ZNF91: variants seen among roughly 807,000 people sequenced by gnomAD.
ZNF91 encodes zinc finger protein 91 (HPF7, HTF10).
In ZNF91, 7 loss-of-function variants were observed where a neutral mutation model predicts 12.6. That is an observed-to-expected ratio of 0.55 (90% CI 0.31 to 1.04). The LOEUF (loss-of-function observed/expected upper bound fraction) is 1.04, where lower values mean the gene tolerates loss of function less well. ZNF91 is among the 50% of genes least tolerant of loss of function. The probability of loss-of-function intolerance (pLI) is 0.05; values close to 1 mark genes in which losing one functional copy is unlikely to be tolerated. For missense variants in ZNF91, 1,217 were observed against 1,385.4 expected (o/e 0.88, Z 1.93); for synonymous variants, 453 against 462.6 (o/e 0.98, Z 0.27).
At chr19:23,317,691 T>C (rs1453039460) in intron 1 of ZNF91, among the ~76,000 whole-genome samples, 1 of 152,120 alleles carries the variant, frequency 6.6e-6, no homozygotes, top group Admixed American at 6.6e-5. Flanking sequence ...GTGACTCTTA[T>C]ATGTGGATCC....
At chr19:23,349,910 C>T (rs368903722) in intron 3 of ZNF91, among the ~76,000 whole-genome samples, 6 of 152,254 alleles carry the variant, frequency 3.9e-5, no homozygotes, top group Middle Eastern at 3.4e-3. Context: ...GAATGGCCTC[C>T]GCAACGGATC....
At chr19:23,352,093 G>A (rs773467140) in intron 3 of ZNF91, among the ~76,000 whole-genome samples, 6 of 152,152 alleles carry the variant, frequency 3.9e-5, no homozygotes, top group Admixed American at 6.5e-5. Context: ...TCACAGGCAG[G>A]GAAAAACTAA....
intron 3 of ZNF91, 130 bp downstream of exon 3, chr19:23,373,610 TAA>T: frequency 3.4e-6 from 2 of 581,594 alleles, no homozygotes; most frequent in South Asian, 2.3e-5. Context: ...TAGCATAATT[TAA>T]AAAAAAAATT....
At chr19:23,339,837 G>A (rs1302228030) in intron 3 of ZNF91, 1 of 151,568 alleles carries the variant, frequency 6.6e-6, no homozygotes, top group African/African-American at 2.4e-5. Context: ...CTAGCTACTC[G>A]GGAGGCTAAT....
intron 1 of ZNF91, among the ~76,000 whole-genome samples, chr19:23,323,228 CCTT>C (rs767722736): frequency 8.1e-5 from 12 of 147,580 alleles, no homozygotes; most frequent in African/African-American, 1.3e-4. Flanking sequence ...TCCTTTCTCT[CCTT>C]CTTCTCCTCT....
rs778131344 is a variant in ZNF91, at chr19:23,359,790, T to A, written c.3189A>T (p.Ser1063=). The change falls in exon 4 of 4, where the codon TCA becomes TCT. Residue 1063 remains serine, a synonymous_variant. Coordinates refer to ENST00000300619, the MANE Select transcript of ZNF91 (RefSeq NM_003430.4). The part of the protein sequence containing the change: ...EECGKAFISS[S]TLNGHKRIHT... ...GAATTCTCTTATGTCCATTTAGGGT[T>A]GAGGATGATATAAATGCTTTGCCAC... 6.2e-6 allele frequency: 10 copies of A among 1,614,042 alleles called. No homozygotes were observed. The highest frequency in any genetic ancestry group is 6.8e-6 in the Non-Finnish European group (8 of 1,180,016).
chr19:23,382,762 T>C (rs1192164166), intron 1 of ZNF91, among the ~76,000 whole-genome samples: 1 of 150,594 alleles, frequency 6.6e-6, no homozygotes, highest in African/African-American at 2.4e-5. Flanking sequence ...CTAGAAAAAA[T>C]GAAAAAAAGT....
At position 23,373,691 on chromosome 19, in the gene ZNF91, T is replaced by C. The variant is rs371406488; in HGVS notation, c.253+51A>G. On this transcript the variant is annotated intron_variant, in intron 3 of 3. Transcript: ENST00000300619. ...ATCACTTTAAAGACCTGCTTTCTTC[T>C]TGACTTTGGGCCTCTCATCCTTGTC... The C allele has an allele frequency of 4.8e-6, 7 of 1,447,562 alleles. No homozygotes were observed. In the African/African-American group the frequency reaches 8.6e-5, roughly 18 times the overall value. 89.7% of individuals were successfully genotyped at this position (1,447,562 alleles called of 1,614,324 possible). A position where few individuals can be genotyped will look rare whatever the true frequency, so the allele number is the denominator to read the frequency against.
chr19:23,306,438 G>A (rs990024923), intron 3 of ZNF91, among the ~76,000 whole-genome samples: 4 of 152,168 alleles, frequency 2.6e-5, no homozygotes, highest in African/African-American at 9.7e-5. Context: ...CTGCTTTAGC[G>A]CTGCTCACAG....
intron 3 of ZNF91, among the ~76,000 whole-genome samples, chr19:23,346,669 A>G (rs751626960): frequency 6.3e-4 from 96 of 151,932 alleles, no homozygotes; most frequent in Non-Finnish European, 1.3e-3. Context: ...TAAGGGACCC[A>G]CCCTCCAGGT....
chr19:23,329,698 CCCTAAGCAGT>C (rs1387031908), intron 1 of ZNF91, among the ~76,000 whole-genome samples: 1 of 152,178 alleles, frequency 6.6e-6, no homozygotes, highest in Non-Finnish European at 1.5e-5. Flanking sequence ...TTCTACCTAC[CCCTAAGCAGT>C]CCTTGAGATT....
At chr19:23,387,408 G>C (rs534161105) in intron 1 of ZNF91, among the ~76,000 whole-genome samples, 59 of 152,268 alleles carry the variant, frequency 3.9e-4, no homozygotes, top group Non-Finnish European at 4.1e-4. Flanking sequence ...CCTATCAATG[G>C]TAGACTGAAT....
chr19:23,367,039 T>A (rs1441953157), intron 3 of ZNF91, among the ~76,000 whole-genome samples: 1 of 152,200 alleles, frequency 6.6e-6, no homozygotes, highest in African/African-American at 2.4e-5. Flanking sequence ...ATGCCTATAA[T>A]CCCAACACAT....
chr19:23,351,935 G>A (rs554751072), intron 3 of ZNF91, among the ~76,000 whole-genome samples: 364 of 152,248 alleles, frequency 2.4e-3, no homozygotes, highest in Middle Eastern at 0.01. Flanking sequence ...GGATACCACA[G>A]GAATCCATCA....
intron 1 of ZNF91, among the ~76,000 whole-genome samples, chr19:23,380,098 T>G (rs985711860): frequency 1.3e-5 from 2 of 151,162 alleles, no homozygotes; most frequent in African/African-American, 4.9e-5. Flanking sequence ...CCACTAAAAA[T>G]AAAAATAAAA....
intron 3 of ZNF91, among the ~76,000 whole-genome samples, chr19:23,348,204 T>C (rs1393131387): frequency 6.6e-6 from 1 of 152,114 alleles, no homozygotes; most frequent in African/African-American, 2.4e-5. Flanking sequence ...ATCTCCCTTT[T>C]TCCCTCATGA....
Position 23,343,144 on chromosome 19 carries a change from C to T in ZNF91, c.254-4090G>A, listed in dbSNP as rs137948661. Among the ~76,000 whole-genome samples, 695 of 152,248 alleles carry T rather than the reference C, an allele frequency of 4.6e-3. 9 individuals carry two copies. The highest frequency in any genetic ancestry group is 0.014 in the African/African-American group (596 of 41,536). ...TTTATGGCATAAACACAAGCATATA[C>T]AGTTTTGAGTGCCATATTTACATTA... On this transcript the variant is annotated intron_variant, in intron 3 of 3. Transcript: ENST00000599743.
chr19:23,319,832 C>A (rs1483877419), intron 1 of ZNF91, among the ~76,000 whole-genome samples: 3 of 152,202 alleles, frequency 2.0e-5, no homozygotes, highest in African/African-American at 7.2e-5. Context: ...CTTGGCCCAG[C>A]TCACAGGTGA....
At chr19:23,367,520 T>C (rs572335406) in intron 3 of ZNF91, among the ~76,000 whole-genome samples, 1 of 152,132 alleles carries the variant, frequency 6.6e-6, no homozygotes, top group African/African-American at 2.4e-5. Context: ...AGAATCTTTA[T>C]AAAAATCCCA....
Sources: allele counts gnomAD v4.1 joint callset (sites outside exome capture counted in the v4.1 genomes callset), GRCh38; gene constraint gnomAD v4.1.1; transcripts MANE v1.5; gene names NCBI Gene and HGNC (gene_info 2026-07-23, HGNC 2026-07-21).